Variants in TRDN observed in about 807,000 individuals in gnomAD.
The protein encoded by TRDN is triadin in skeletal muscle.
In TRDN, 161 loss-of-function variants were observed where a neutral mutation model predicts 149.7. The ratio of observed to expected loss-of-function variants is 1.08; its 90% confidence interval spans 0.95 to 1.23. The LOEUF (loss-of-function observed/expected upper bound fraction) is 1.23, where lower values mean the gene tolerates loss of function less well. TRDN is among the 50% of genes most tolerant of loss of function. TRDN has a pLI of 0.00. For missense variants in TRDN, 896 were observed against 823.5 expected (o/e 1.09, Z -1.08); for synonymous variants, 294 against 250.5 (o/e 1.17, Z -1.64).
Position 123,274,648 on chromosome 6 carries a change from T to TGCTTCTTTTTTAA in TRDN, c.1577_1589dup (p.Lys531Ter). On this transcript the variant is annotated stop_gained and frameshift_variant, in exon 27 of 41. Coordinates refer to ENST00000334268, the MANE Select transcript of TRDN (RefSeq NM_006073.4). LOFTEE classifies it high-confidence loss of function. Reference sequence around the variant, plus strand: ...AAATAAAGCTCATGTTACCTGGTTTTGCTTCTTTTTTAATTTGGGGCTCTG... The same window carrying TGCTTCTTTTTTAA: ...AAATAAAGCTCATGTTACCTGGTTTTGCTTCTTTTTTAAGCTTCTTTTTTAATTTGGGGCTCTG... 1 of 1,608,636 alleles carries TGCTTCTTTTTTAA rather than the reference T, an allele frequency of 6.2e-7. No homozygotes were observed. Among genetic ancestry groups the TGCTTCTTTTTTAA allele is most frequent in the Non-Finnish European group, 8.5e-7 (1 of 1,177,078 alleles).
At chr6:123,502,734 T>G in intron 8 of TRDN, 1 of 984,490 alleles carries the variant, frequency 1.0e-6, no homozygotes, top group Non-Finnish European at 1.2e-6. Context: ...AGAAACCAAT[T>G]CTTTGATACA....
chr6:123,240,973 A>G (rs1775968891), intron 38 of TRDN, among the ~76,000 whole-genome samples: 3 of 152,042 alleles, frequency 2.0e-5, no homozygotes, highest in African/African-American at 7.2e-5. Context: ...ATTATGTAAA[A>G]AAGGAAAGCA....
At chr6:123,332,601 T>C (rs1425083825) in intron 22 of TRDN, among the ~76,000 whole-genome samples, 2 of 152,142 alleles carry the variant, frequency 1.3e-5, no homozygotes, top group Non-Finnish European at 2.9e-5. Context: ...TTAACATCAT[T>C]ATATTCAACA....
chr6:123,390,624 G>T (rs1012669242), intron 13 of TRDN, among the ~76,000 whole-genome samples: 1 of 152,098 alleles, frequency 6.6e-6, no homozygotes, highest in African/African-American at 2.4e-5. Flanking sequence ...AGGCCCACAA[G>T]CTAATCAAAG....
intron 38 of TRDN, among the ~76,000 whole-genome samples, chr6:123,246,125 TG>T (rs1418880443): frequency 1.3e-5 from 2 of 151,684 alleles, no homozygotes; most frequent in African/African-American, 4.8e-5. Context: ...AATGCCCACA[TG>T]AGAAAGCGGG....
At chr6:123,586,365 CT>C (rs1323653393) in intron 1 of TRDN, among the ~76,000 whole-genome samples, 1 of 151,838 alleles carries the variant, frequency 6.6e-6, no homozygotes, top group Non-Finnish European at 1.5e-5. Context: ...TCAGATGTGT[CT>C]GTAGAAAAGG....
chr6:123,249,930 G>A (rs1167779012), intron 38 of TRDN, among the ~76,000 whole-genome samples: 2 of 151,982 alleles, frequency 1.3e-5, no homozygotes, highest in Admixed American at 1.3e-4. Context: ...CTGATGATAC[G>A]ATCTTATATC....
At chr6:123,229,652 G>A (rs1335466780) in intron 38 of TRDN, among the ~76,000 whole-genome samples, 1 of 151,876 alleles carries the variant, frequency 6.6e-6, no homozygotes, top group South Asian at 2.1e-4. Flanking sequence ...GGTGGACTTG[G>A]TTCTATGAGG....
intron 21 of TRDN, chr6:123,349,487 A>G (rs1338167259): frequency 1.1e-6 from 1 of 889,078 alleles, no homozygotes; most frequent in East Asian, 1.2e-4. Flanking sequence ...TAATATTATC[A>G]TAATTTAACA....
chr6:123,329,699 A>G (rs1779591794), intron 23 of TRDN, among the ~76,000 whole-genome samples: 1 of 152,152 alleles, frequency 6.6e-6, no homozygotes, highest in South Asian at 2.1e-4. Flanking sequence ...TTAAAGCACC[A>G]TTAATATTCT....
chr6:123,392,711 G>A (rs141347792), intron 13 of TRDN, among the ~76,000 whole-genome samples: 2,068 of 151,898 alleles, frequency 0.014, 50 homozygotes, highest in African/African-American at 0.047. Flanking sequence ...CAACATCCTC[G>A]AGTCAAATGG....
At chr6:123,595,401 A>G (rs1783984963) in intron 1 of TRDN, among the ~76,000 whole-genome samples, 1 of 152,120 alleles carries the variant, frequency 6.6e-6, no homozygotes, top group Non-Finnish European at 1.5e-5. Context: ...GACAAAGCCA[A>G]TTTGCCCTGC....
intron 2 of TRDN, among the ~76,000 whole-genome samples, chr6:123,563,670 T>A (rs1246755599): frequency 6.6e-6 from 1 of 152,224 alleles, no homozygotes; most frequent in Non-Finnish European, 1.5e-5. Flanking sequence ...TTTACTTGGA[T>A]CACCATATTA....
chr6:123,331,994 G>A, intron 22 of TRDN, 65 bp from the exon 23 acceptor site: 1 of 1,253,306 alleles, frequency 8.0e-7, no homozygotes, highest in African/African-American at 1.5e-5. Context: ...ACCTATAAAT[G>A]AAGTCAGTAA....
chr6:123,405,639 G>T (rs1773163313), intron 12 of TRDN, among the ~76,000 whole-genome samples: 1 of 152,106 alleles, frequency 6.6e-6, no homozygotes, highest in Admixed American at 6.5e-5. Flanking sequence ...TGCAGTAGAG[G>T]TTACCGTGAT....
chr6:123,290,803 T>A (rs1777983047), intron 24 of TRDN, among the ~76,000 whole-genome samples: 1 of 152,170 alleles, frequency 6.6e-6, no homozygotes, highest in Non-Finnish European at 1.5e-5. Flanking sequence ...AAAGGGAGTT[T>A]CAAAATATGA....
intron 14 of TRDN, among the ~76,000 whole-genome samples, chr6:123,387,082 A>G (rs1342679434): frequency 6.6e-6 from 1 of 152,170 alleles, no homozygotes; most frequent in African/African-American, 2.4e-5. Context: ...AAGCCACTCA[A>G]TATTTTAAAT....
chr6:123,291,869 T>G (rs1365458978), intron 24 of TRDN, among the ~76,000 whole-genome samples: 1 of 152,208 alleles, frequency 6.6e-6, no homozygotes, highest in African/African-American at 2.4e-5. Context: ...TTCAGCTTTT[T>G]TGTCAGCTCC....
intron 24 of TRDN, among the ~76,000 whole-genome samples, chr6:123,312,235 A>G (rs1778851419): frequency 6.6e-6 from 1 of 151,972 alleles, no homozygotes; most frequent in South Asian, 2.1e-4. Flanking sequence ...CAAAAAAGTT[A>G]GACAGAAATT....
Sources: gnomAD v4.1 joint callset for allele counts (sites outside exome capture counted in the v4.1 genomes callset) on GRCh38, gnomAD v4.1.1 for gene constraint, MANE v1.5 for transcripts, NCBI Gene and HGNC (gene_info 2026-07-23, HGNC 2026-07-21) for gene names.